TRRAP: variants seen among roughly 807,000 people sequenced by gnomAD.
TRRAP encodes the protein transformation/transcription domain-associated protein.
TRRAP carries 41 observed loss-of-function variants against 438.8 expected under a neutral mutation model. That is an observed-to-expected ratio of 0.09 (90% CI 0.07 to 0.12). The LOEUF is 0.12. TRRAP is among the 10% of genes least tolerant of loss of function. TRRAP has a pLI of 1.00. For missense variants in TRRAP, 3,122 were observed against 5,055.1 expected (o/e 0.62, Z 11.60); for synonymous variants, 1,994 against 1,962.9 (o/e 1.02, Z -0.42).
intron 58 of TRRAP, 147 bp from the exon 59 acceptor site, chr7:98,981,622 C>CGGGAT: frequency 1.3e-6 from 1 of 797,862 alleles, no homozygotes; most frequent in South Asian, 2.0e-5. Context: ...CATGACTTCT[C>CGGGAT]TAAAGAAAAT....
In TRRAP at chr7:98,961,421, G is replaced by A. The variant is rs1461946712; in HGVS notation, c.6650G>A (p.Arg2217Gln). ...ACATGTGGAAACACCAAGGTGTTGC[G>A]AGCCGTCCACAGCCTTCTCTCGCGC... ...CMTCGNTKVL[R>Q]AVHSLLSRLM... Residue 2217 changes from arginine to glutamine, a missense_variant, in exon 46 of 73, where the codon CGA (arginine) becomes CAA (glutamine). Transcript: ENST00000456197. The A allele has an allele frequency of 6.8e-6, 11 of 1,614,082 alleles. No individual in the cohort carries two copies. Among genetic ancestry groups the A allele is most frequent in the African/African-American group, 1.3e-5 (1 of 74,912 alleles).
chr7:98,983,604 G>A (rs1177468689), intron 60 of TRRAP, 145 bp downstream of exon 60: 10 of 863,560 alleles, frequency 1.2e-5, no homozygotes, highest in African/African-American at 1.7e-5. Flanking sequence ...ATGACAGGTC[G>A]GGGTGGTAAT....
At chr7:98,946,736 AC>A in intron 33 of TRRAP, among the ~76,000 whole-genome samples, 3 of 152,252 alleles carry the variant, frequency 2.0e-5, no homozygotes, top group South Asian at 4.2e-4. Context: ...CATTGCACAC[AC>A]CCCGAGCTTT....
chr7:98,880,262 G>GTTTTGTTTT (rs1554402830), intron 1 of TRRAP, among the ~76,000 whole-genome samples: 1 of 132,108 alleles, frequency 7.6e-6, no homozygotes. Flanking sequence ...TGTTGTTGTT[G>GTTTTGTTTT]TTTTTTTTTT....
chr7:98,930,036 G>C lies in TRRAP; in HGVS notation c.3223G>C (p.Ala1075Pro). 1 of 1,614,196 alleles carries C rather than the reference G, an allele frequency of 6.2e-7. No homozygotes were observed. The highest frequency in any genetic ancestry group is 8.5e-7 in the Non-Finnish European group (1 of 1,180,044). The change falls in exon 24 of 73, where the codon GCC (alanine) becomes CCC (proline). Residue 1075 changes from alanine to proline, a missense_variant. Physicochemically the swap from Ala to Pro is conservative, Grantham distance 27. This residue lies in a region of TRRAP where 54 missense variants were observed against 74.6 expected (regional missense o/e 0.72). Transcript: ENST00000456197. ...CCAGGTGGGCAGCCAGCCCAGCACA[G>C]CCATGTTTCACAGTGAAGAAAATGG... ...CYQVGSQPST[A>P]MFHSEENGSK... is the part of the protein sequence containing the mutation.
chr7:98,993,490 CG>C (rs1562975722), intron 65 of TRRAP, 47 bp from the exon 66 acceptor site: 1 of 1,590,374 alleles, frequency 6.3e-7, no homozygotes, highest in Non-Finnish European at 8.5e-7. Context: ...CGAGCCCTGG[CG>C]TCTGTCGGTT....
chr7:98,964,878 C>G (rs1294013683), intron 48 of TRRAP, 103 bp downstream of exon 48: 1 of 1,364,810 alleles, frequency 7.3e-7, no homozygotes, highest in Non-Finnish European at 9.7e-7. Context: ...TGTGCATTCA[C>G]CAAGTCCTGT....
At chr7:98,988,125 A>G (rs555893017) in intron 62 of TRRAP, among the ~76,000 whole-genome samples, 3 of 152,264 alleles carry the variant, frequency 2.0e-5, no homozygotes, top group Non-Finnish European at 1.5e-5. Context: ...TTGCGTCTGT[A>G]TCATAAAGCA....
At chr7:98,879,304 C>A (rs926932211) in intron 1 of TRRAP, among the ~76,000 whole-genome samples, 4 of 152,182 alleles carry the variant, frequency 2.6e-5, no homozygotes, top group African/African-American at 9.6e-5. Flanking sequence ...CGCGGGACCC[C>A]GGGAAATGGA....
At chr7:98,938,552 G>A (rs982865404) in intron 30 of TRRAP, among the ~76,000 whole-genome samples, 1 of 74,180 alleles carries the variant, frequency 1.3e-5, no homozygotes, top group Admixed American at 1.6e-4. Context: ...CTATAAAAGG[G>A]GGTACAATAT....
intron 56 of TRRAP, 143 bp from the exon 57 acceptor site, chr7:98,978,068 C>T (rs1363470616): frequency 1.4e-6 from 1 of 715,516 alleles, no homozygotes; most frequent in African/African-American, 1.8e-5. Flanking sequence ...TCCCTTGAGC[C>T]TAGGAATTAA....
chr7:98,989,007 C>T (rs1339045302), intron 63 of TRRAP, 41 bp downstream of exon 63: 1 of 1,584,262 alleles, frequency 6.3e-7, no homozygotes, highest in South Asian at 1.1e-5. Context: ...GGCCATCTGT[C>T]ACCTTCAGAT....
In TRRAP at chr7:98,983,353, C is replaced by T. The variant is rs533514905; in HGVS notation, c.8916C>T (p.His2972=). The T allele has an allele frequency of 2.6e-4, 423 of 1,614,186 alleles. 2 individuals are homozygous for T. The South Asian group carries it at 4.3e-3, about 16-fold the overall frequency. Residue 2972 remains histidine, a synonymous_variant, in exon 60 of 73, where the codon CAC becomes CAT. Coordinates refer to ENST00000456197, the MANE Select transcript of TRRAP (RefSeq NM_001375524.1). Reference sequence around the variant, plus strand: ...ACCTGGGAAGGAACAACAGCCTGCACGACATGAAGACGGTGGTGAAGACCT... The same window carrying T: ...ACCTGGGAAGGAACAACAGCCTGCATGACATGAAGACGGTGGTGAAGACCT... The part of the protein sequence containing the change: ...PTNLGRNNSL[H]DMKTVVKTWR...
rs761109208 is a variant in TRRAP, at chr7:98,964,582, G to T, written c.6830-47G>T. On this transcript the variant is annotated intron_variant, in intron 47 of 72. Transcript: ENST00000456197. ...ATGTGTTGCTTTCACTCTGTTTTTC[G>T]TGGTTGTTACTTTTCTGTGAAACAC... 1.3e-5 allele frequency: 20 copies of T among 1,589,858 alleles called. No individual in the cohort carries two copies. The African/African-American group carries it at 2.3e-4, about 18-fold the overall frequency.
At chr7:98,900,525 G>C in intron 10 of TRRAP, 99 bp from the exon 11 acceptor site, 2 of 980,190 alleles carry the variant, frequency 2.0e-6, no homozygotes, top group Non-Finnish European at 3.0e-6. Flanking sequence ...GGTCTGTGTG[G>C]AAATCAATCT....
In TRRAP at chr7:98,956,531, G is replaced by A; in HGVS notation, c.6229G>A (p.Ala2077Thr). 1.9e-6 allele frequency: 3 copies of A among 1,613,038 alleles called. No homozygotes were observed. Among genetic ancestry groups the A allele is most frequent in the Non-Finnish European group, 2.5e-6 (3 of 1,179,678 alleles). ...RFRTATGAISAVFGRSQSLPG... is the reference protein window; with the variant it reads ...RFRTATGAISTVFGRSQSLPG... Reference sequence around the variant, plus strand: ...TAGGACGGCCACCGGAGCCATCAGTGCAGTAAGATCATGTGCCTCTGTATG... The same window carrying A: ...TAGGACGGCCACCGGAGCCATCAGTACAGTAAGATCATGTGCCTCTGTATG... Residue 2077 changes from alanine to threonine, a missense_variant and splice_region_variant, in exon 43 of 73, where the codon GCA (alanine) becomes ACA (threonine). Physicochemically the swap from Ala to Thr is moderately conservative, Grantham distance 58 (BLOSUM62 0). This residue lies in a region of TRRAP where 992 missense variants were observed against 1,281.2 expected (regional missense o/e 0.77). Transcript: ENST00000456197. The surrounding 1 kb of genome is among the most constrained non-coding windows in gnomAD (Gnocchi z 4.5).
At chr7:98,916,102 C>T (rs1789509385) in intron 19 of TRRAP, among the ~76,000 whole-genome samples, 2 of 151,862 alleles carry the variant, frequency 1.3e-5, no homozygotes, top group African/African-American at 2.4e-5. Context: ...TGGGCCCTTC[C>T]CCTCCCTCCT....
At chr7:98,883,057 A>G (rs1406563511) in intron 3 of TRRAP, among the ~76,000 whole-genome samples, 1 of 152,256 alleles carries the variant, frequency 6.6e-6, no homozygotes, top group African/African-American at 2.4e-5. Flanking sequence ...TGGTTCTGCT[A>G]ATTAGAACAT....
At chr7:98,896,214 GT>G (rs1175315830) in intron 7 of TRRAP, among the ~76,000 whole-genome samples, 3 of 151,006 alleles carry the variant, frequency 2.0e-5, no homozygotes, top group Non-Finnish European at 3.0e-5. Context: ...TATATTTTCA[GT>G]TTTTTTTTAA....
Sources: allele counts gnomAD v4.1 joint callset (sites outside exome capture counted in the v4.1 genomes callset), GRCh38; gene constraint gnomAD v4.1.1; regional missense constraint gnomAD v4.1.1; non-coding constraint Gnocchi (gnomAD v3.1); transcripts MANE v1.5; gene names NCBI Gene and HGNC (gene_info 2026-07-23, HGNC 2026-07-21).